GCNT1: variants seen among roughly 807,000 people sequenced by gnomAD.
GCNT1 encodes beta-1,3-galactosyl-O-glycosyl-glycoprotein beta-1,6-N-acetylglucosaminyltransferase.
GCNT1 carries 16 observed loss-of-function variants against 26.2 expected under a neutral mutation model. That is an observed-to-expected ratio of 0.61 (90% confidence interval 0.41 to 0.93). The LOEUF (loss-of-function observed/expected upper bound fraction) is 0.93. Ranked by LOEUF, GCNT1 falls within the 40% of genes least tolerant of loss-of-function variation. The pLI is 0.00. For synonymous variants in GCNT1, 183 were observed against 190.8 expected, an observed-to-expected ratio of 0.96 and a Z score of 0.34; for missense variants, 477 against 526.7, an observed-to-expected ratio of 0.91 and a Z score of 0.92.
rs142949157 is a variant in GCNT1, at chr9:76,499,309, G to A, written c.-289-1607G>A. 1.7e-3 allele frequency among the ~76,000 whole-genome samples: 258 copies of A among 152,096 alleles called. 2 individuals are homozygous for A. The highest frequency in any genetic ancestry group is 5.9e-3 in the African/African-American group (244 of 41,482). ...CGCCCGGCTAATTTTTGTATTTTTA[G>A]TAGAGATGGGGTTTCACAGTGTTGG... On this transcript the variant is annotated intron_variant, in intron 2 of 3. Transcript: ENST00000376730.
At chr9:76,497,890 T>G (rs1824954345) in intron 2 of GCNT1, among the ~76,000 whole-genome samples, 1 of 149,748 alleles carries the variant, frequency 6.7e-6, no homozygotes. Flanking sequence ...TGTTTACCCT[T>G]TTAAAGTAAA....
At chr9:76,414,319 GT>G in the GCNT1 span, among the ~76,000 whole-genome samples, 1 of 152,166 alleles carries the variant, frequency 6.6e-6, no homozygotes, top group Non-Finnish European at 1.5e-5. Flanking sequence ...CTTTAGCGAT[GT>G]GCTGGTAAGA....
upstream of GCNT1, among the ~76,000 whole-genome samples, chr9:76,419,515 G>A (rs905003724): frequency 2.0e-5 from 3 of 152,122 alleles, no homozygotes; most frequent in Non-Finnish European, 4.4e-5. Context: ...ACGAAAATTA[G>A]CCAGGCATGG....
rs1486098256 is a variant in GCNT1 at position 76,427,440 on chromosome 9, A to G, written n.38+7553A>G. On this transcript the variant is annotated intron_variant and non_coding_transcript_variant, in intron 1 of 3. Transcript: ENST00000488136. Reference sequence around the variant, plus strand: ...AGCGATCTGCCCGCCTCAGCCCCCCAAAGTGCTGGTATTACAGGCGTGAGC... The same window carrying G: ...AGCGATCTGCCCGCCTCAGCCCCCCGAAGTGCTGGTATTACAGGCGTGAGC... 3.3e-5 allele frequency among the ~76,000 whole-genome samples: 5 copies of G among 152,140 alleles called. No individual in the cohort carries two copies. In the East Asian group the frequency reaches 9.7e-4, roughly 30 times the overall value.
At chr9:76,487,651 T>C (rs905285635) in intron 2 of GCNT1, among the ~76,000 whole-genome samples, 1 of 152,208 alleles carries the variant, frequency 6.6e-6, no homozygotes, top group South Asian at 2.1e-4. Flanking sequence ...GGCCTAGATG[T>C]TCCTTGACCT....
chr9:76,409,245 A>G, the GCNT1 span, among the ~76,000 whole-genome samples: 1 of 152,058 alleles, frequency 6.6e-6, no homozygotes, highest in South Asian at 2.1e-4. Context: ...AGAGTTTCAT[A>G]TTTCTTTATG....
At chr9:76,443,930 A>AAAGGAAGGAAGGAAGGAAGG (rs201262371) in intron 1 of GCNT1, among the ~76,000 whole-genome samples, 10 of 78,090 alleles carry the variant, frequency 1.3e-4, no homozygotes, top group East Asian at 5.6e-4. Context: ...AGAAAGGAAG[A>AAAGGAAGGAAGGAAGGAAGG]AAGGAAGGAA....
chr9:76,491,296 C>A (rs1424434893), intron 2 of GCNT1, among the ~76,000 whole-genome samples: 1 of 152,050 alleles, frequency 6.6e-6, no homozygotes, highest in African/African-American at 2.4e-5. Flanking sequence ...GCTGCTTATG[C>A]TGCTGTTCTC....
chr9:76,467,200 G>A (rs991924601), intron 2 of GCNT1, among the ~76,000 whole-genome samples: 4 of 152,118 alleles, frequency 2.6e-5, no homozygotes, highest in Non-Finnish European at 4.4e-5. Flanking sequence ...CCGCCACCGC[G>A]CCCAGCTAAT....
chr9:76,405,234 G>C, the GCNT1 span, among the ~76,000 whole-genome samples: 1 of 151,650 alleles, frequency 6.6e-6, no homozygotes, highest in African/African-American at 2.4e-5. Context: ...AGCAGTTTTA[G>C]GTTCACAGAA....
At chr9:76,463,599 C>A (rs1044746254) in intron 2 of GCNT1, among the ~76,000 whole-genome samples, 3 of 152,162 alleles carry the variant, frequency 2.0e-5, no homozygotes, top group Non-Finnish European at 4.4e-5. Flanking sequence ...AATGTTTGTT[C>A]ATTAGAGTCA....
At chr9:76,405,098 C>T in the GCNT1 span, among the ~76,000 whole-genome samples, 1 of 152,194 alleles carries the variant, frequency 6.6e-6, no homozygotes, top group South Asian at 2.1e-4. Flanking sequence ...GGATTACAGG[C>T]ATGAGCCACC....
At position 76,425,745 on chromosome 9, in the gene GCNT1, G is replaced by A. The variant is rs1470799102; in HGVS notation, n.38+5858G>A. Reference sequence around the variant, plus strand: ...GTCTCCCTGAAAAGTTAGAGATGGGGGTTTTTAAGGACAATTTGGTGTGTC... The same window carrying A: ...GTCTCCCTGAAAAGTTAGAGATGGGAGTTTTTAAGGACAATTTGGTGTGTC... On this transcript the variant is annotated intron_variant and non_coding_transcript_variant, in intron 1 of 3. Transcript: ENST00000488136. 2.0e-5 allele frequency among the ~76,000 whole-genome samples: 3 copies of A among 152,216 alleles called. No homozygotes were observed. The East Asian group carries it at 5.8e-4, about 29-fold the overall frequency.
the GCNT1 span, chr9:76,393,899 A>AG: frequency 1.7e-6 from 1 of 571,628 alleles, no homozygotes; most frequent in East Asian, 3.2e-5. Context: ...GCTCGGAGCC[A>AG]GAAGCAGGGA....
rs1386582662 is a variant in GCNT1 at position 76,505,675 on chromosome 9, C to A, written c.*2007C>A. 6.0e-6 allele frequency: 1 copy of A among 166,998 alleles called. No individual in the cohort carries two copies. The highest frequency in any genetic ancestry group is 1.5e-5 in the Non-Finnish European group (1 of 68,108). 10.3% of individuals were successfully genotyped at this position (166,998 alleles called of 1,614,324 possible). On this transcript the variant is annotated 3_prime_UTR_variant, in exon 4 of 4. Coordinates refer to ENST00000376730, the MANE Select transcript of GCNT1 (RefSeq NM_001490.5). ...CCATGTAACCCTCACCTGGTGTTAA[C>A]ATTGTACCCTATTTGCTTTAAGTTG...
the GCNT1 span, among the ~76,000 whole-genome samples, chr9:76,395,154 C>G: frequency 2.6e-5 from 4 of 152,286 alleles, no homozygotes; most frequent in South Asian, 8.3e-4. Context: ...CCTTCGTACC[C>G]TCGGAACTGT....
In GCNT1 at chr9:76,447,610, C is replaced by T. The variant is rs1587416210; in HGVS notation, c.-290+5295C>T. Reference sequence around the variant, plus strand: ...TGTAAACACTAGGACTGATTTTCACCCTATTTCTTAACTTTTTTATAGTTA... The same window carrying T: ...TGTAAACACTAGGACTGATTTTCACTCTATTTCTTAACTTTTTTATAGTTA... On this transcript the variant is annotated intron_variant, in intron 1 of 2. Transcript: ENST00000442371. 2.0e-5 allele frequency among the ~76,000 whole-genome samples: 3 copies of T among 152,072 alleles called. No homozygotes were observed. The South Asian group carries it at 6.2e-4, about 32-fold the overall frequency.
At chr9:76,452,719 A>G (rs1037404693) in intron 1 of GCNT1, among the ~76,000 whole-genome samples, 1 of 152,144 alleles carries the variant, frequency 6.6e-6, no homozygotes. Flanking sequence ...CCAGGATTCA[A>G]TCACACTCCA....
chr9:76,447,752 T>C (rs1464312891), intron 1 of GCNT1, among the ~76,000 whole-genome samples: 1 of 152,220 alleles, frequency 6.6e-6, no homozygotes, highest in African/African-American at 2.4e-5. Flanking sequence ...ACATTCTTGT[T>C]CATTTAGCAT....
Sources: allele counts gnomAD v4.1 joint callset (sites outside exome capture counted in the v4.1 genomes callset), GRCh38; gene constraint gnomAD v4.1.1; transcripts MANE v1.5; gene names NCBI Gene and HGNC (gene_info 2026-07-23, HGNC 2026-07-21).